MYC: variants seen among roughly 807,000 people sequenced by gnomAD.
MYC encodes the protein MYC proto-oncogene, bHLH transcription factor, also known as myc proto-oncogene protein.
In MYC, 1 loss-of-function variant was observed where a neutral mutation model predicts 30.5. The observed-to-expected ratio is 0.03, with a 90% confidence interval of 0.01 to 0.16. The LOEUF is 0.16. Among genes scored for constraint, MYC ranks in the 10% least tolerant of loss-of-function variants. The pLI is 1.00. For synonymous variants in MYC, 267 were observed against 250.7 expected, an observed-to-expected ratio of 1.07 and a Z score of -0.62; for missense variants, 508 against 589.0, an observed-to-expected ratio of 0.86 and a Z score of 1.42.
chr8:127,736,269 G>A lies in MYC; in HGVS notation c.-325G>A, dbSNP rs1180612480. ...AATTCCAGCGAGAGGCAGAGGGAGC[G>A]AGCGGGCGGCCGGCTAGGGTGGAAG... On this transcript the variant is annotated 5_prime_UTR_variant, in exon 1 of 3. Coordinates refer to ENST00000621592, the MANE Select transcript of MYC (RefSeq NM_002467.6). 2 of 537,086 alleles carry A rather than the reference G, an allele frequency of 3.7e-6. No individual in the cohort carries two copies. The highest frequency in any genetic ancestry group is 1.9e-5 in the African/African-American group (1 of 52,360). The allele number at this position is 537,086 out of a possible 1,614,324, so 33.3% of individuals were successfully genotyped here.
chr8:127,740,005 TCTGTCACTAGG>T (rs1248992422), intron 2 of MYC, among the ~76,000 whole-genome samples: 9 of 150,304 alleles, frequency 6.0e-5, no homozygotes, highest in Non-Finnish European at 1.0e-4. Flanking sequence ...GGAGTCTCAC[TCTGTCACTAGG>T]CTGGAGTGCA....
chr8:127,735,913 TGA>T, upstream of MYC: 1 of 399,756 alleles, frequency 2.5e-6, no homozygotes, highest in Non-Finnish European at 4.4e-6. Context: ...GCTGCCCGGC[TGA>T]GTCTCCTCCC....
At position 127,740,384 on chromosome 8, in the gene MYC, C is replaced by T. The variant is rs750323566; in HGVS notation, c.803-12C>T. 31 of 1,609,188 alleles carry T rather than the reference C, an allele frequency of 1.9e-5. 1 individual carries two copies. The highest frequency in any genetic ancestry group is 8.5e-7 in the Non-Finnish European group (1 of 1,176,816). On this transcript the variant is annotated splice_polypyrimidine_tract_variant and intron_variant, in intron 2 of 2. Transcript: ENST00000621592. ...CTTGCTAAAGGAGTGATTTCTATTT[C>T]CTTTCTTAAAGAGGAGGAACAAGAA...
chr8:127,741,588 G>T lies in MYC; in HGVS notation c.*630G>T, dbSNP rs1813713439. Among the ~76,000 whole-genome samples the T allele has an allele frequency of 6.6e-6, 1 of 152,138 alleles. No individual in the cohort carries two copies. ...GGGCCTTAAGGTCTTTAAGTTCTTGGAGGTTCTAAGATGCTTCCTGGAGAC... is the reference window on the plus strand; with the variant it reads ...GGGCCTTAAGGTCTTTAAGTTCTTGTAGGTTCTAAGATGCTTCCTGGAGAC... On this transcript the variant is annotated 3_prime_UTR_variant, in exon 3 of 3. Transcript: ENST00000621592.
rs911505936 is a variant in MYC at position 127,742,119 on chromosome 8, G to A, written c.*1161G>A. On this transcript the variant is annotated 3_prime_UTR_variant, in exon 3 of 3. Transcript: ENST00000621592. ...AATGTGCTGAGATCAAGAAGGTTTA[G>A]GACCTAATGGACAGACTCAAGTCAT... Among the ~76,000 whole-genome samples the A allele has an allele frequency of 2.0e-5, 3 of 152,218 alleles. No homozygotes were observed. Among genetic ancestry groups the A allele is most frequent in the African/African-American group, 4.8e-5 (2 of 41,462 alleles).
Position 127,740,954 on chromosome 8 carries a change from C to A in MYC, c.1361C>A (p.Ala454Glu), listed in dbSNP as rs143501729. The stretch of plus-strand genomic sequence containing the variant: ...CTTGAACAGCTACGGAACTCTTGTG[C>A]GTAAGGAAAAGTAAGGAAAACGATT... Residue 454 changes from alanine to glutamate, a missense_variant, in exon 3 of 3, where the codon GCG becomes GAG. This residue lies in a region of MYC where 31 missense variants were observed against 28.3 expected (regional missense o/e 1.09). Transcript: ENST00000621592. The A allele has an allele frequency of 4.5e-6, 7 of 1,552,316 alleles. No individual in the cohort carries two copies. The highest frequency in any genetic ancestry group is 2.8e-5 in the African/African-American group (2 of 72,146).
At chr8:127,735,661 A>C (rs999667425), upstream of MYC, 1 of 398,004 alleles carries the variant, frequency 2.5e-6, no homozygotes, top group Non-Finnish European at 4.4e-6. Context: ...GGCGCCCTGC[A>C]GCCTGGTACG....
Position 127,736,387 on chromosome 8 carries a change from T to TC in MYC, c.-202dup, listed in dbSNP as rs796121384. ...GCCTCTGGCCCAGCCCTCCCGCTGA[T>TC]CCCCCAGCCAGCGGTCCGCAACCCT... On this transcript the variant is annotated 5_prime_UTR_variant, in exon 1 of 3. Transcript: ENST00000621592. 14 of 615,448 alleles carry TC rather than the reference T, an allele frequency of 2.3e-5. No homozygotes were observed. The highest frequency in any genetic ancestry group is 1.5e-4 in the Admixed American group (5 of 34,290). The allele number at this position is 615,448 out of a possible 1,614,324, so 38.1% of individuals were successfully genotyped here.
intron 2 of MYC, 65 bp downstream of exon 2, chr8:127,739,084 C>T: frequency 7.1e-7 from 1 of 1,403,878 alleles, no homozygotes; most frequent in Non-Finnish European, 9.3e-7. Flanking sequence ...TTTTCATTGG[C>T]AGCTTATTTA....
Position 127,738,787 on chromosome 8 carries a change from C to T in MYC, c.570C>T (p.Ser190=). The T allele has an allele frequency of 6.2e-7, 1 of 1,609,968 alleles. No homozygotes were observed. The highest frequency in any genetic ancestry group is 8.5e-7 in the Non-Finnish European group (1 of 1,177,676). Residue 190 remains serine (S), a synonymous_variant, in exon 2 of 3, where the codon AGC becomes AGT. Coordinates refer to ENST00000621592, the MANE Select transcript of MYC (RefSeq NM_002467.6). The surrounding 1 kb of genome is among the most constrained non-coding windows in gnomAD (Gnocchi z 7.6). ...GCCACAGCGTCTGCTCCACCTCCAGCTTGTACCTGCAGGATCTGAGCGCCG... is the reference window on the plus strand; with the variant it reads ...GCCACAGCGTCTGCTCCACCTCCAGTTTGTACCTGCAGGATCTGAGCGCCG...
upstream of MYC, chr8:127,735,964 C>T: frequency 2.5e-6 from 1 of 398,212 alleles, no homozygotes. Flanking sequence ...ATAAGCGCCC[C>T]TCCCGGGTTC....
At chr8:127,740,325 G>C in intron 2 of MYC, 71 bp from the exon 3 acceptor site, 2 of 1,442,548 alleles carry the variant, frequency 1.4e-6, no homozygotes, top group Non-Finnish European at 1.9e-6. Flanking sequence ...TATTTGTACA[G>C]CATTAATCTG....
At chr8:127,739,109 T>A in intron 2 of MYC, 90 bp downstream of exon 2, 1 of 1,319,120 alleles carries the variant, frequency 7.6e-7, no homozygotes, top group Non-Finnish European at 1.0e-6. Flanking sequence ...GCCACTCTTA[T>A]TAGGAAGGAG....
Position 127,736,572 on chromosome 8 carries a change from T to G in MYC, c.-22T>G. On this transcript the variant is annotated 5_prime_UTR_variant, in exon 1 of 3. Transcript: ENST00000621592. ...GCCAGGACCCGCTTCTCTGAAAGGCTCTCCTTGCAGCTGCTTAGACGCTGG... is the reference window on the plus strand; with the variant it reads ...GCCAGGACCCGCTTCTCTGAAAGGCGCTCCTTGCAGCTGCTTAGACGCTGG... The G allele has an allele frequency of 6.2e-7, 1 of 1,614,092 alleles. No homozygotes were observed.
In MYC at chr8:127,738,112, C is replaced by T; in HGVS notation, c.31-136C>T. 2.8e-6 allele frequency: 3 copies of T among 1,079,650 alleles called. No homozygotes were observed. Among genetic ancestry groups the T allele is most frequent in the Non-Finnish European group, 3.9e-6 (3 of 767,426 alleles). 66.9% of individuals were successfully genotyped at this position (1,079,650 alleles called of 1,614,324 possible). ...GCTCCCTTTATTCCCCCACCAAGAC[C>T]ACCCAGCCGCTTTAGGGGATAGCTC... On this transcript the variant is annotated intron_variant, in intron 1 of 2. Coordinates refer to ENST00000621592, the MANE Select transcript of MYC (RefSeq NM_002467.6). The surrounding 1 kb of genome is among the most constrained non-coding windows in gnomAD (Gnocchi z 7.6).
At position 127,736,273 on chromosome 8, in the gene MYC, G is replaced by C; in HGVS notation, c.-321G>C. On this transcript the variant is annotated 5_prime_UTR_variant, in exon 1 of 3. Coordinates refer to ENST00000621592, the MANE Select transcript of MYC (RefSeq NM_002467.6). ...CCAGCGAGAGGCAGAGGGAGCGAGCGGGCGGCCGGCTAGGGTGGAAGAGCC... is the reference window on the plus strand; with the variant it reads ...CCAGCGAGAGGCAGAGGGAGCGAGCCGGCGGCCGGCTAGGGTGGAAGAGCC... 1.9e-6 allele frequency: 1 copy of C among 539,886 alleles called. No individual in the cohort carries two copies. Among genetic ancestry groups the C allele is most frequent in the South Asian group, 2.8e-5 (1 of 35,662 alleles). 33.4% of individuals were successfully genotyped at this position (539,886 alleles called of 1,614,324 possible). A position where few individuals can be genotyped will look rare whatever the true frequency, so the allele number is the denominator to read the frequency against.
At position 127,739,158 on chromosome 8, in the gene MYC, C is replaced by T. The variant is rs1041982387; in HGVS notation, c.802+139C>T. ...GGAGAGATTTGGGAGCTCATCACCTCTGAAACCTTGGGCTTTAGCGTTTCC... is the reference window on the plus strand; with the variant it reads ...GGAGAGATTTGGGAGCTCATCACCTTTGAAACCTTGGGCTTTAGCGTTTCC... On this transcript the variant is annotated intron_variant, in intron 2 of 2. Coordinates refer to ENST00000621592, the MANE Select transcript of MYC (RefSeq NM_002467.6). 3.0e-6 allele frequency: 3 copies of T among 988,962 alleles called. No individual in the cohort carries two copies. The African/African-American group carries it at 5.0e-5, about 16-fold the overall frequency. The allele number at this position is 988,962 out of a possible 1,614,324, so 61.3% of individuals were successfully genotyped here. A position where few individuals can be genotyped will look rare whatever the true frequency, so the allele number is the denominator to read the frequency against.
rs1219526902 is a variant in MYC, at chr8:127,740,580, C to A, written c.987C>A (p.Ser329=). 2 of 1,613,928 alleles carry A rather than the reference C, an allele frequency of 1.2e-6. No homozygotes were observed. The highest frequency in any genetic ancestry group is 1.7e-6 in the Non-Finnish European group (2 of 1,180,024). ...AGCACAACTACGCAGCGCCTCCCTCCACTCGGAAGGACTATCCTGCTGCCA... is the reference window on the plus strand; with the variant it reads ...AGCACAACTACGCAGCGCCTCCCTCAACTCGGAAGGACTATCCTGCTGCCA... The change falls in exon 3 of 3, where the codon TCC becomes TCA. Residue 329 remains serine (S), a synonymous_variant. Transcript: ENST00000621592.
At position 127,736,263 on chromosome 8, in the gene MYC, G is replaced by A. The variant is rs1041658886; in HGVS notation, c.-331G>A. 21 of 543,704 alleles carry A rather than the reference G, an allele frequency of 3.9e-5. No individual in the cohort carries two copies. The highest frequency in any genetic ancestry group is 5.2e-5 in the Non-Finnish European group (16 of 309,798). The allele number at this position is 543,704 out of a possible 1,614,324, so 33.7% of individuals were successfully genotyped here. On this transcript the variant is annotated 5_prime_UTR_variant, in exon 1 of 3. Coordinates refer to ENST00000621592, the MANE Select transcript of MYC (RefSeq NM_002467.6). ...TGTAGTAATTCCAGCGAGAGGCAGA[G>A]GGAGCGAGCGGGCGGCCGGCTAGGG...
Sources: gnomAD v4.1 joint callset for allele counts (sites outside exome capture counted in the v4.1 genomes callset) on GRCh38, gnomAD v4.1.1 for gene constraint, gnomAD v4.1.1 regional missense constraint, Gnocchi (gnomAD v3.1) non-coding constraint, MANE v1.5 for transcripts, NCBI Gene and HGNC (gene_info 2026-07-23, HGNC 2026-07-21) for gene names.